Variants in TTC28 observed in about 807,000 individuals in gnomAD.
TTC28 encodes tetratricopeptide repeat domain 28.
TTC28 carries 61 observed loss-of-function variants against 198.0 expected under a neutral mutation model. The observed-to-expected ratio is 0.31, with a 90% CI of 0.25 to 0.38. The LOEUF (loss-of-function observed/expected upper bound fraction) is 0.38, where lower values mean the gene tolerates loss of function less well. Among genes scored for constraint, TTC28 ranks in the 10% least tolerant of loss-of-function variants. The pLI is 1.00. For missense variants in TTC28, 2,678 were observed against 3,164.0 expected, an observed-to-expected ratio of 0.85 and a Z score of 3.69; for synonymous variants, 1,171 against 1,297.8, an observed-to-expected ratio of 0.90 and a Z score of 2.10.
intron 2 of TTC28, among the ~76,000 whole-genome samples, chr22:28,491,515 A>C (rs2048378221): frequency 6.6e-6 from 1 of 152,260 alleles, no homozygotes; most frequent in Non-Finnish European, 1.5e-5. Context: ...AAAAATGCTC[A>C]TCATCACTGG....
chr22:28,057,933 A>G lies in TTC28; in HGVS notation c.3933-27567T>C, dbSNP rs144369285. On this transcript the variant is annotated intron_variant, in intron 12 of 22. Transcript: ENST00000397906. The stretch of plus-strand genomic sequence containing the variant: ...GTGTGGGTCTATTTCTGGGCTCTCT[A>G]TTCTGCTCCATTGATCTACTTGTCA... Among the ~76,000 whole-genome samples, 289 of 152,198 alleles carry G rather than the reference A, an allele frequency of 1.9e-3. 1 individual carries two copies. Among genetic ancestry groups the G allele is most frequent in the Non-Finnish European group, 3.1e-3 (213 of 67,972 alleles).
At chr22:28,604,300 T>TATATATATATATATATATATATATATAG in intron 2 of TTC28, among the ~76,000 whole-genome samples, 1 of 72,156 alleles carries the variant, frequency 1.4e-5, no homozygotes, top group Non-Finnish European at 3.6e-5. Context: ...AAAAAAATTA[T>TATATATATATATATATATATATATATAG]ATATATATAT....
At chr22:28,028,639 G>C (rs1177045123) in intron 13 of TTC28, among the ~76,000 whole-genome samples, 2 of 152,192 alleles carry the variant, frequency 1.3e-5, no homozygotes, top group African/African-American at 4.8e-5. Flanking sequence ...GATGAGGGAG[G>C]CTACAACCCA....
At chr22:28,624,454 AT>A (rs1487679304) in intron 2 of TTC28, among the ~76,000 whole-genome samples, 1 of 152,178 alleles carries the variant, frequency 6.6e-6, no homozygotes, top group African/African-American at 2.4e-5. Flanking sequence ...ATAAAGGAAT[AT>A]TAACAACTTT....
At chr22:28,595,150 A>C (rs560835766) in intron 2 of TTC28, among the ~76,000 whole-genome samples, 7 of 152,336 alleles carry the variant, frequency 4.6e-5, no homozygotes, top group Non-Finnish European at 1.0e-4. Context: ...AGTGGTTGTT[A>C]ATATGATTGA....
intron 5 of TTC28, among the ~76,000 whole-genome samples, chr22:28,207,483 C>A (rs1047323693): frequency 6.6e-6 from 1 of 152,028 alleles, no homozygotes; most frequent in Admixed American, 6.5e-5. Context: ...TGACCTCAGA[C>A]AAGTTACTAA....
At chr22:28,677,211 T>C (rs2052011432) in intron 1 of TTC28, among the ~76,000 whole-genome samples, 1 of 140,088 alleles carries the variant, frequency 7.1e-6, no homozygotes, top group Non-Finnish European at 1.5e-5. Context: ...TACACACATA[T>C]ATATTAAGTT....
chr22:28,356,553 A>T lies in TTC28; in HGVS notation c.382-49910T>A, dbSNP rs186375420. Among the ~76,000 whole-genome samples, 15 of 152,308 alleles carry T rather than the reference A, an allele frequency of 9.8e-5. No individual in the cohort carries two copies. In the East Asian group the frequency reaches 2.9e-3, roughly 29 times the overall value. On this transcript the variant is annotated intron_variant, in intron 2 of 22. Transcript: ENST00000397906. ...GTTATACTTTTTAAAAAATATTTGC[A>T]ACTTAATTTGTGCTCCCTCAGGCAT...
chr22:28,145,852 G>C (rs976762487), intron 6 of TTC28, among the ~76,000 whole-genome samples: 1 of 152,236 alleles, frequency 6.6e-6, no homozygotes, highest in Admixed American at 6.5e-5. Context: ...ATTGTTCTAA[G>C]GGCTTTATAC....
intron 2 of TTC28, among the ~76,000 whole-genome samples, chr22:28,311,683 G>A (rs780131628): frequency 2.0e-5 from 3 of 151,924 alleles, no homozygotes; most frequent in Non-Finnish European, 4.4e-5. Flanking sequence ...TACTCTTTTA[G>A]TTATTTTTAA....
At chr22:28,253,104 A>G (rs1017392154) in intron 5 of TTC28, among the ~76,000 whole-genome samples, 4 of 152,230 alleles carry the variant, frequency 2.6e-5, no homozygotes, top group African/African-American at 9.6e-5. Context: ...GGGAGTATAT[A>G]TTGACTACAT....
At chr22:28,087,326 C>G (rs914280638) in intron 12 of TTC28, among the ~76,000 whole-genome samples, 20 of 152,158 alleles carry the variant, frequency 1.3e-4, no homozygotes, top group Admixed American at 1.1e-3. Context: ...ATCAAGTGGG[C>G]TTCATCCCTG....
At position 28,431,382 on chromosome 22, in the gene TTC28, C is replaced by T. The variant is rs547834517; in HGVS notation, c.382-124739G>A. Among the ~76,000 whole-genome samples the T allele has an allele frequency of 2.0e-5, 3 of 152,246 alleles. No homozygotes were observed. The East Asian group carries it at 5.8e-4, about 29-fold the overall frequency. ...TAAGGAATAATATATATTTTAAACT[C>T]TAAACAAATATCTGGTTTTATTTAA... On this transcript the variant is annotated intron_variant, in intron 2 of 22. Transcript: ENST00000397906.
At chr22:28,083,586 G>A (rs551127296) in intron 12 of TTC28, among the ~76,000 whole-genome samples, 67 of 152,356 alleles carry the variant, frequency 4.4e-4, no homozygotes, top group East Asian at 3.9e-4. Context: ...CAGCGTGAGC[G>A]ATGCAGAAGA....
intron 2 of TTC28, among the ~76,000 whole-genome samples, chr22:28,501,813 T>C (rs2048541685): frequency 6.6e-6 from 1 of 152,236 alleles, no homozygotes; most frequent in African/African-American, 2.4e-5. Flanking sequence ...GCCATTCTTT[T>C]TGCTTTTTAA....
chr22:28,649,297 A>G (rs1056584448), intron 1 of TTC28, among the ~76,000 whole-genome samples: 2 of 152,196 alleles, frequency 1.3e-5, no homozygotes, highest in East Asian at 3.8e-4. Flanking sequence ...GACTGCACTA[A>G]AATCTCAGAC....
chr22:28,069,906 T>C (rs976523914), intron 12 of TTC28, among the ~76,000 whole-genome samples: 2 of 146,700 alleles, frequency 1.4e-5, no homozygotes, highest in Non-Finnish European at 3.0e-5. Flanking sequence ...TAGCCTACAC[T>C]AAATTGAAAG....
At chr22:28,628,187 T>C (rs947142063) in intron 2 of TTC28, among the ~76,000 whole-genome samples, 2 of 152,168 alleles carry the variant, frequency 1.3e-5, no homozygotes, top group African/African-American at 2.4e-5. Context: ...TGAGCCACCA[T>C]GCCCAGCCCT....
chr22:28,645,161 A>G (rs2051438400), intron 1 of TTC28, among the ~76,000 whole-genome samples: 1 of 152,154 alleles, frequency 6.6e-6, no homozygotes, highest in African/African-American at 2.4e-5. Flanking sequence ...AAAATGCTCC[A>G]GTTCGTGCTG....
Sources: allele counts gnomAD v4.1 joint callset (sites outside exome capture counted in the v4.1 genomes callset), GRCh38; gene constraint gnomAD v4.1.1; transcripts MANE v1.5; gene names NCBI Gene and HGNC (gene_info 2026-07-23, HGNC 2026-07-21).